MIPOL1: variants seen among roughly 807,000 people sequenced by gnomAD.
MIPOL1 encodes the protein mirror-image polydactyly 1, also known as mirror-image polydactyly gene 1 protein.
A neutral mutation model predicts 60.9 loss-of-function variants in MIPOL1; 57 were observed. That is an observed-to-expected ratio of 0.94 (90% CI 0.76 to 1.17). The LOEUF is 1.17. Ranked by LOEUF, MIPOL1 falls within the 50% of genes most tolerant of loss-of-function variation. The pLI, the probability that MIPOL1 is intolerant of heterozygous loss-of-function variation, is 0.00. For synonymous variants in MIPOL1, 179 were observed against 168.8 expected, an observed-to-expected ratio of 1.06 and a Z score of -0.47; for missense variants, 551 against 511.6, an observed-to-expected ratio of 1.08 and a Z score of -0.74.
At chr14:37,229,645 G>A (rs1028845759) in intron 1 of MIPOL1, among the ~76,000 whole-genome samples, 1 of 151,990 alleles carries the variant, frequency 6.6e-6, no homozygotes, top group African/African-American at 2.4e-5. Flanking sequence ...AAAACTATTA[G>A]GAGGAAAAAT....
intron 7 of MIPOL1, among the ~76,000 whole-genome samples, chr14:37,291,113 G>A (rs1002744214): frequency 5.9e-5 from 9 of 152,054 alleles, no homozygotes; most frequent in Admixed American, 6.6e-5. Context: ...TTTTTGTAGA[G>A]ATAGGGTCCT....
At chr14:37,316,767 C>T (rs1023243470) in intron 9 of MIPOL1, among the ~76,000 whole-genome samples, 1 of 151,776 alleles carries the variant, frequency 6.6e-6, no homozygotes, top group Non-Finnish European at 1.5e-5. Context: ...ACCTGAATTC[C>T]GGAGTTTGAG....
intron 1 of MIPOL1, among the ~76,000 whole-genome samples, chr14:37,208,846 C>A (rs977051489): frequency 6.6e-6 from 1 of 152,198 alleles, no homozygotes; most frequent in Non-Finnish European, 1.5e-5. Context: ...CCACCTCAGC[C>A]TCCCAAAGTG....
chr14:37,230,309 T>C lies in MIPOL1; in HGVS notation c.-198-16794T>C, dbSNP rs562721166. ...TTTTAAGAAATAAAAAAAGTTTTGC[T>C]ATGTTATTTATTAATAGGAAAAGGT... On this transcript the variant is annotated intron_variant, in intron 1 of 12. Transcript: ENST00000684589. Among the ~76,000 whole-genome samples, 11 of 152,342 alleles carry C rather than the reference T, an allele frequency of 7.2e-5. No homozygotes were observed. In the East Asian group the frequency reaches 1.9e-3, roughly 27 times the overall value.
intron 7 of MIPOL1, among the ~76,000 whole-genome samples, chr14:37,294,705 T>G (rs1166009046): frequency 1.3e-5 from 2 of 151,856 alleles, no homozygotes; most frequent in Non-Finnish European, 2.9e-5. Flanking sequence ...AGAAAGGGTA[T>G]CAGTGATGGA....
At chr14:37,336,113 T>G (rs1181113877) in intron 9 of MIPOL1, among the ~76,000 whole-genome samples, 2 of 151,052 alleles carry the variant, frequency 1.3e-5, no homozygotes, top group East Asian at 1.9e-4. Flanking sequence ...TGGTTTTTTT[T>G]TTTTTTTTTT....
chr14:37,249,826 AAAAC>A (rs1162771382), intron 3 of MIPOL1, among the ~76,000 whole-genome samples: 1 of 152,194 alleles, frequency 6.6e-6, no homozygotes, highest in African/African-American at 2.4e-5. Flanking sequence ...ATGTTAAAAA[AAAAC>A]AAAAAGGAAG....
rs968449080 is a variant in MIPOL1 at position 37,474,307 on chromosome 14, A to G, written c.1032-25601A>G. ...CATGATTGCTAGATCATATGGTGAC[A>G]TTCTTTGGCTGTGTCCCCACCCAAA... On this transcript the variant is annotated intron_variant, in intron 11 of 12. Transcript: ENST00000684589. Among the ~76,000 whole-genome samples the G allele has an allele frequency of 2.0e-5, 3 of 152,282 alleles. No individual in the cohort carries two copies. The South Asian group carries it at 6.2e-4, about 32-fold the overall frequency.
Position 37,549,139 on chromosome 14 carries a change from G to T in MIPOL1, c.*2168G>T, listed in dbSNP as rs1203996300. The T allele has an allele frequency of 6.6e-6, 1 of 151,816 alleles. No homozygotes were observed. Among genetic ancestry groups the T allele is most frequent in the African/African-American group, 2.4e-5 (1 of 41,396 alleles). The allele number at this position is 151,816 out of a possible 1,614,324, so 9.4% of individuals were successfully genotyped here. On this transcript the variant is annotated 3_prime_UTR_variant, in exon 13 of 13. Transcript: ENST00000684589. ...GGAATAGCCTTGCCTACTGAAGATA[G>T]GTTCTCTATGTATTCAACAATAATG...
chr14:37,283,951 G>A (rs2084335563), intron 6 of MIPOL1, among the ~76,000 whole-genome samples: 2 of 151,984 alleles, frequency 1.3e-5, no homozygotes, highest in South Asian at 4.2e-4. Context: ...TTACTGGACG[G>A]ATATTCTGTA....
intron 9 of MIPOL1, among the ~76,000 whole-genome samples, chr14:37,353,667 C>G (rs2091580154): frequency 6.6e-6 from 1 of 151,802 alleles, no homozygotes; most frequent in South Asian, 2.1e-4. Flanking sequence ...TTATCCATTT[C>G]TTCTAGATTT....
At chr14:37,416,534 A>G (rs999676615) in intron 10 of MIPOL1, among the ~76,000 whole-genome samples, 1 of 152,192 alleles carries the variant, frequency 6.6e-6, no homozygotes, top group Admixed American at 6.5e-5. Context: ...GTATCTAAAC[A>G]TGTCTACACA....
intron 10 of MIPOL1, among the ~76,000 whole-genome samples, chr14:37,388,798 A>G (rs2093151658): frequency 6.6e-6 from 1 of 152,024 alleles, no homozygotes; most frequent in Non-Finnish European, 1.5e-5. Flanking sequence ...AGATTCATCC[A>G]TGTCGTGTGT....
intron 10 of MIPOL1, among the ~76,000 whole-genome samples, chr14:37,395,032 C>T (rs931192893): frequency 1.3e-5 from 2 of 152,044 alleles, no homozygotes; most frequent in African/African-American, 4.8e-5. Context: ...GTCCTTTCCC[C>T]ACTTTGTTTT....
intron 9 of MIPOL1, among the ~76,000 whole-genome samples, chr14:37,368,855 A>G (rs552767048): frequency 1.3e-5 from 2 of 152,178 alleles, no homozygotes; most frequent in South Asian, 4.1e-4. Flanking sequence ...TATTATTTTT[A>G]CTTATATTCT....
intron 1 of MIPOL1, among the ~76,000 whole-genome samples, chr14:37,209,876 CT>C (rs1163510242): frequency 4.6e-3 from 658 of 141,724 alleles, no homozygotes; most frequent in African/African-American, 7.5e-3. Context: ...TAATTTTTAA[CT>C]TTTTTTTTTT....
intron 7 of MIPOL1, among the ~76,000 whole-genome samples, chr14:37,293,889 C>T (rs2085344201): frequency 6.6e-6 from 1 of 152,186 alleles, no homozygotes. Flanking sequence ...GGGGGCAGGG[C>T]ACAGACAAAC....
At chr14:37,470,861 A>G (rs2094678340) in intron 11 of MIPOL1, among the ~76,000 whole-genome samples, 1 of 152,208 alleles carries the variant, frequency 6.6e-6, no homozygotes, top group African/African-American at 2.4e-5. Flanking sequence ...ATTTCTAGAA[A>G]GAATTGGTCT....
intron 7 of MIPOL1, among the ~76,000 whole-genome samples, chr14:37,298,618 C>G (rs1334097030): frequency 1.3e-5 from 2 of 151,542 alleles, no homozygotes; most frequent in Non-Finnish European, 3.0e-5. Flanking sequence ...AAAAACAACC[C>G]CATCAAAAAG....
Sources: allele counts gnomAD v4.1 joint callset (sites outside exome capture counted in the v4.1 genomes callset), GRCh38; gene constraint gnomAD v4.1.1; transcripts MANE v1.5; gene names NCBI Gene and HGNC (gene_info 2026-07-23, HGNC 2026-07-21).